The following GRM5 variants were observed in gnomAD, a reference collection of about 807,000 sequenced individuals.
GRM5 encodes glutamate metabotropic receptor 5.
A neutral mutation model predicts 83.1 loss-of-function variants in GRM5; 19 were observed. That is an observed-to-expected ratio of 0.23 (90% CI 0.16 to 0.34). The LOEUF (loss-of-function observed/expected upper bound fraction) is 0.34. Ranked by LOEUF, GRM5 falls within the 10% of genes least tolerant of loss-of-function variation. GRM5 has a pLI of 1.00. For missense variants in GRM5, 1,160 were observed against 1,588.3 expected (o/e 0.73, Z 4.58); for synonymous variants, 675 against 633.6 (o/e 1.07, Z -0.98).
At chr11:88,857,338 AT>A (rs1944494618) in intron 2 of GRM5, among the ~76,000 whole-genome samples, 1 of 152,112 alleles carries the variant, frequency 6.6e-6, no homozygotes, top group Admixed American at 6.6e-5. Flanking sequence ...AAAATAAAAA[AT>A]AAAACTCAGT....
At chr11:88,526,121 A>G (rs1250925494) in intron 8 of GRM5, among the ~76,000 whole-genome samples, 1 of 152,256 alleles carries the variant, frequency 6.6e-6, no homozygotes, top group Non-Finnish European at 1.5e-5. Flanking sequence ...TTCTGTAAAC[A>G]TTAAGCTGAA....
intron 2 of GRM5, among the ~76,000 whole-genome samples, chr11:88,948,112 C>A (rs1454543148): frequency 6.6e-6 from 1 of 152,000 alleles, no homozygotes. Context: ...AGAGAAGTCC[C>A]GATTTTATCT....
intron 2 of GRM5, among the ~76,000 whole-genome samples, chr11:89,021,648 G>A (rs1940987813): frequency 6.6e-6 from 1 of 152,122 alleles, no homozygotes; most frequent in Admixed American, 6.5e-5. Flanking sequence ...GTTAAAAGGG[G>A]AAAAATCATG....
At chr11:89,017,590 T>C (rs2135102047) in intron 2 of GRM5, among the ~76,000 whole-genome samples, 1 of 152,242 alleles carries the variant, frequency 6.6e-6, no homozygotes, top group African/African-American at 2.4e-5. Context: ...TAACTCCCAC[T>C]TACAAAAAAG....
intron 2 of GRM5, among the ~76,000 whole-genome samples, chr11:88,942,500 T>C (rs1271264247): frequency 2.6e-5 from 4 of 152,018 alleles, no homozygotes; most frequent in Non-Finnish European, 5.9e-5. Context: ...AAAATTGCAG[T>C]GGGGACTGGC....
intron 4 of GRM5, among the ~76,000 whole-genome samples, chr11:88,630,806 G>C (rs2135271416): frequency 6.6e-6 from 1 of 152,222 alleles, no homozygotes; most frequent in East Asian, 1.9e-4. Context: ...TCGAACTCGT[G>C]ACCTCAGGTG....
chr11:88,745,685 C>CTAT (rs1251185426), intron 3 of GRM5, among the ~76,000 whole-genome samples: 3 of 152,306 alleles, frequency 2.0e-5, no homozygotes, highest in African/African-American at 7.2e-5. Flanking sequence ...AAGTGTCTCT[C>CTAT]TATTTAATTC....
intron 2 of GRM5, among the ~76,000 whole-genome samples, chr11:88,868,401 G>A (rs537219946): frequency 9.9e-5 from 15 of 151,814 alleles, no homozygotes; most frequent in African/African-American, 2.9e-4. Context: ...TTTTCATAAG[G>A]TGGTTATGAG....
At chr11:88,598,062 G>T (rs916013378) in intron 5 of GRM5, among the ~76,000 whole-genome samples, 1 of 151,984 alleles carries the variant, frequency 6.6e-6, no homozygotes, top group Non-Finnish European at 1.5e-5. Flanking sequence ...TTCTAGAGAA[G>T]AATCTCTGAA....
chr11:88,920,704 C>A (rs1241301432), intron 2 of GRM5, among the ~76,000 whole-genome samples: 1 of 152,134 alleles, frequency 6.6e-6, no homozygotes, highest in Non-Finnish European at 1.5e-5. Context: ...AAACCAAATT[C>A]ACCAATGCAT....
intron 4 of GRM5, among the ~76,000 whole-genome samples, chr11:88,620,066 C>T (rs949235711): frequency 1.3e-5 from 2 of 152,192 alleles, no homozygotes; most frequent in African/African-American, 4.8e-5. Context: ...AACATCCCTC[C>T]CTCCAAGCCA....
At chr11:88,630,016 A>G (rs1449358828) in intron 4 of GRM5, among the ~76,000 whole-genome samples, 1 of 152,104 alleles carries the variant, frequency 6.6e-6, no homozygotes, top group Non-Finnish European at 1.5e-5. Context: ...TACCTATGAC[A>G]GTTCCCACAC....
In GRM5 at chr11:88,704,143, CATT is replaced by C. The variant is rs373854192; in HGVS notation, c.912-50743_912-50741del. 4.3e-3 allele frequency among the ~76,000 whole-genome samples: 647 copies of C among 152,152 alleles called. 7 individuals are homozygous for C. Among genetic ancestry groups the C allele is most frequent in the African/African-American group, 0.015 (625 of 41,518 alleles). The stretch of plus-strand genomic sequence containing the variant: ...TCTCTTTCTATAAGGGCATTAATCT[CATT>C]ATAAGGTCCCACTTTCACTACATAA... On this transcript the variant is annotated intron_variant, in intron 3 of 9. Transcript: ENST00000305447.
At chr11:88,696,034 C>G (rs531100883) in intron 3 of GRM5, among the ~76,000 whole-genome samples, 1 of 152,260 alleles carries the variant, frequency 6.6e-6, no homozygotes, top group South Asian at 2.1e-4. Flanking sequence ...TGGATTCTTG[C>G]CCTAGTGTAC....
intron 2 of GRM5, among the ~76,000 whole-genome samples, chr11:88,967,254 T>TATATATATATATACAC (rs1555050451): frequency 4.4e-3 from 94 of 21,444 alleles, no homozygotes; most frequent in Middle Eastern, 0.019. Context: ...TACACATATA[T>TATATATATATATACAC]ATATATATAT....
intron 8 of GRM5, among the ~76,000 whole-genome samples, chr11:88,536,525 T>C (rs1237606525): frequency 6.6e-6 from 1 of 152,236 alleles, no homozygotes; most frequent in Non-Finnish European, 1.5e-5. Context: ...ATCTTGACTT[T>C]GCTGTAGTTA....
At chr11:88,842,152 T>C (rs1944215175) in intron 3 of GRM5, among the ~76,000 whole-genome samples, 1 of 152,070 alleles carries the variant, frequency 6.6e-6, no homozygotes, top group South Asian at 2.1e-4. Context: ...TAGTAAATGA[T>C]AAAATAGTAT....
chr11:88,631,643 A>T (rs1240023256), intron 4 of GRM5, among the ~76,000 whole-genome samples: 1 of 152,170 alleles, frequency 6.6e-6, no homozygotes, highest in Non-Finnish European at 1.5e-5. Flanking sequence ...AGCTGAATTT[A>T]ACATAAGTGA....
At chr11:88,606,050 A>G (rs1188900083) in intron 4 of GRM5, among the ~76,000 whole-genome samples, 2 of 152,204 alleles carry the variant, frequency 1.3e-5, no homozygotes, top group African/African-American at 4.8e-5. Flanking sequence ...CTAAGTATCA[A>G]TCAGATGAAG....
Sources: gnomAD v4.1 joint callset for allele counts (sites outside exome capture counted in the v4.1 genomes callset) on GRCh38, gnomAD v4.1.1 for gene constraint, MANE v1.5 for transcripts, NCBI Gene and HGNC (gene_info 2026-07-23, HGNC 2026-07-21) for gene names.